Variants in RAPGEF4 observed in about 807,000 individuals in gnomAD.
RAPGEF4 encodes RAP guanine-nucleotide-exchange factor (GEF) 4.
In RAPGEF4, 66 loss-of-function variants were observed where a neutral mutation model predicts 147.9. The ratio of observed to expected loss-of-function variants is 0.45; its 90% CI spans 0.37 to 0.55. The LOEUF is 0.55. Ranked by LOEUF, RAPGEF4 falls within the 20% of genes least tolerant of loss-of-function variation. The probability of loss-of-function intolerance (pLI) is 0.00; values close to 1 mark genes in which losing one functional copy is unlikely to be tolerated. For missense variants in RAPGEF4, 1,071 were observed against 1,257.3 expected (o/e 0.85, Z 2.24); for synonymous variants, 419 against 442.7 (o/e 0.95, Z 0.67).
In RAPGEF4 at chr2:172,990,796, A is replaced by G. The variant is rs916773526; in HGVS notation, c.1375-14A>G. ...AGCGGCAGCATCTGTATGTGGTGTA[A>G]TTTGTATTTGCAGGACGTGGAGGCG... On this transcript the variant is annotated splice_polypyrimidine_tract_variant and intron_variant, in intron 14 of 30. Transcript: ENST00000397081. 3 of 1,598,938 alleles carry G rather than the reference A, an allele frequency of 1.9e-6. No individual in the cohort carries two copies. The highest frequency in any genetic ancestry group is 2.6e-6 in the Non-Finnish European group (3 of 1,167,080).
intron 4 of RAPGEF4, chr2:172,814,690 G>A: frequency 2.2e-6 from 1 of 444,684 alleles, no homozygotes; most frequent in Non-Finnish European, 4.1e-6. Context: ...ACCATAGAGT[G>A]TTTTATGTAT....
chr2:172,900,493 C>T (rs896159370), intron 4 of RAPGEF4, among the ~76,000 whole-genome samples: 1 of 152,178 alleles, frequency 6.6e-6, no homozygotes, highest in African/African-American at 2.4e-5. Flanking sequence ...CCTACCTCAG[C>T]CTCCTGAAGT....
At chr2:172,798,838 T>C (rs1301499937) in intron 3 of RAPGEF4, among the ~76,000 whole-genome samples, 1 of 152,188 alleles carries the variant, frequency 6.6e-6, no homozygotes, top group Non-Finnish European at 1.5e-5. Flanking sequence ...TGATACCCAT[T>C]GTAATGGAGG....
At chr2:172,910,429 A>G (rs1699983508) in intron 4 of RAPGEF4, among the ~76,000 whole-genome samples, 5 of 152,212 alleles carry the variant, frequency 3.3e-5, no homozygotes, top group Admixed American at 2.0e-4. Context: ...TTCCAATTGC[A>G]TATATTTAGT....
chr2:172,742,693 A>G (rs1165498664), intron 1 of RAPGEF4, among the ~76,000 whole-genome samples: 1 of 152,220 alleles, frequency 6.6e-6, no homozygotes, highest in East Asian at 1.9e-4. Flanking sequence ...TAATTTGAGA[A>G]CAATACAACC....
intron 1 of RAPGEF4, among the ~76,000 whole-genome samples, chr2:172,760,516 A>G (rs1216711785): frequency 6.6e-6 from 1 of 152,184 alleles, no homozygotes; most frequent in Non-Finnish European, 1.5e-5. Flanking sequence ...CAGGAGATCG[A>G]GACCATCCTG....
intron 8 of RAPGEF4, among the ~76,000 whole-genome samples, chr2:172,962,355 A>G (rs561158933): frequency 6.6e-6 from 1 of 152,184 alleles, no homozygotes; most frequent in Non-Finnish European, 1.5e-5. Flanking sequence ...CTGAAAAACT[A>G]GAATACAAAT....
chr2:172,750,501 C>T (rs1390102567), intron 1 of RAPGEF4, among the ~76,000 whole-genome samples: 1 of 152,006 alleles, frequency 6.6e-6, no homozygotes, highest in Non-Finnish European at 1.5e-5. Flanking sequence ...ATTCAATTAT[C>T]TCCTGCCAGG....
intron 4 of RAPGEF4, among the ~76,000 whole-genome samples, chr2:172,864,375 T>C (rs373399807): frequency 6.6e-6 from 1 of 152,246 alleles, no homozygotes. Context: ...GAAAGAACAT[T>C]GGGCTTCATG....
intron 1 of RAPGEF4, among the ~76,000 whole-genome samples, chr2:172,786,462 A>T (rs555091002): frequency 6.6e-6 from 1 of 152,350 alleles, no homozygotes; most frequent in South Asian, 2.1e-4. Context: ...CTGAGTGAAT[A>T]AATAAAATGA....
In RAPGEF4 at chr2:173,051,871, A is replaced by G; in HGVS notation, c.*104A>G. 1 of 1,343,916 alleles carries G rather than the reference A, an allele frequency of 7.4e-7. No homozygotes were observed. Among genetic ancestry groups the G allele is most frequent in the Non-Finnish European group, 1.0e-6 (1 of 967,224 alleles). The allele number at this position is 1,343,916 out of a possible 1,614,324, so 83.2% of individuals were successfully genotyped here. A position where few individuals can be genotyped will look rare whatever the true frequency, so the allele number is the denominator to read the frequency against. ...TATTGCCACTAGAGAATTCTACAAA[A>G]CAAGCAAAAACACATCCTGAGACAC... is the stretch of plus-strand genomic sequence containing the variant. On this transcript the variant is annotated 3_prime_UTR_variant, in exon 31 of 31. Transcript: ENST00000397081.
intron 1 of RAPGEF4, among the ~76,000 whole-genome samples, chr2:172,748,160 T>C (rs1694943076): frequency 1.3e-5 from 2 of 152,254 alleles, no homozygotes; most frequent in South Asian, 2.1e-4. Context: ...CTCTTCAAGA[T>C]ACTCATTTCA....
intron 15 of RAPGEF4, 92 bp from the exon 16 acceptor site, chr2:172,996,374 A>T: frequency 1.4e-6 from 1 of 692,686 alleles, no homozygotes; most frequent in Non-Finnish European, 2.3e-6. Context: ...TGGGATCTCA[A>T]ATTAAAAAAA....
chr2:172,887,669 A>C (rs1697397990), intron 4 of RAPGEF4, among the ~76,000 whole-genome samples: 1 of 152,238 alleles, frequency 6.6e-6, no homozygotes, highest in Admixed American at 6.5e-5. Context: ...TCCTTGACAG[A>C]AAACCTTTGC....
chr2:172,775,504 C>G (rs1349606784), intron 1 of RAPGEF4, among the ~76,000 whole-genome samples: 1 of 152,198 alleles, frequency 6.6e-6, no homozygotes, highest in Non-Finnish European at 1.5e-5. Flanking sequence ...ACAAATCATG[C>G]TGCCTGGGGC....
intron 4 of RAPGEF4, among the ~76,000 whole-genome samples, chr2:172,899,448 T>C (rs1269711684): frequency 6.6e-6 from 1 of 152,186 alleles, no homozygotes; most frequent in African/African-American, 2.4e-5. Context: ...TCTTGGCTTG[T>C]GTTAACATTA....
intron 1 of RAPGEF4, among the ~76,000 whole-genome samples, chr2:172,773,833 A>C (rs1683891037): frequency 6.6e-6 from 1 of 152,224 alleles, no homozygotes; most frequent in South Asian, 2.1e-4. Flanking sequence ...CTGATCACAT[A>C]ATCGTCATAT....
chr2:172,791,145 A>G (rs1025181598), intron 1 of RAPGEF4, among the ~76,000 whole-genome samples: 4 of 152,184 alleles, frequency 2.6e-5, no homozygotes, highest in Non-Finnish European at 5.9e-5. Context: ...ACTTTTCCTT[A>G]AACTCCACCT....
At chr2:172,994,858 A>ATT (rs34210584) in intron 15 of RAPGEF4, among the ~76,000 whole-genome samples, 14 of 150,616 alleles carry the variant, frequency 9.3e-5, no homozygotes, top group South Asian at 2.1e-4. Flanking sequence ...AAAGTAGACT[A>ATT]TTTTTTTTTT....
Sources: allele counts gnomAD v4.1 joint callset (sites outside exome capture counted in the v4.1 genomes callset), GRCh38; gene constraint gnomAD v4.1.1; transcripts MANE v1.5; gene names NCBI Gene and HGNC (gene_info 2026-07-23, HGNC 2026-07-21).